RAG1: variants seen among roughly 807,000 people sequenced by gnomAD.
RAG1 encodes recombination activating 1.
Under a neutral mutation model 62.7 loss-of-function variants are expected in RAG1, and 35 were observed. The ratio of observed to expected loss-of-function variants is 0.56; its 90% confidence interval spans 0.43 to 0.74. RAG1 has a LOEUF of 0.74. Ranked by LOEUF, RAG1 falls within the 30% of genes least tolerant of loss-of-function variation. The probability of loss-of-function intolerance (pLI) is 0.00; values close to 1 mark genes in which losing one functional copy is unlikely to be tolerated. For missense variants in RAG1, 1,169 were observed against 1,278.6 expected (o/e 0.91, Z 1.31); for synonymous variants, 461 against 470.3 (o/e 0.98, Z 0.26).
At chr11:36,545,169 A>T (rs1425400981) in intron 3 of RAG1, among the ~76,000 whole-genome samples, 2 of 152,232 alleles carry the variant, frequency 1.3e-5, no homozygotes, top group African/African-American at 4.8e-5. Context: ...TTTGCATTAA[A>T]GTATATCTGA....
At chr11:36,521,284 A>G (rs1860076170) in intron 2 of RAG1, among the ~76,000 whole-genome samples, 1 of 151,928 alleles carries the variant, frequency 6.6e-6, no homozygotes, top group Admixed American at 6.6e-5. Context: ...AGCTCCCACA[A>G]TTTCCATGTG....
In RAG1 at chr11:36,576,013, A is replaced by G. The variant is rs1850844060; in HGVS notation, c.2709A>G (p.Lys903=). ...TATGGCGATCATCATGCCCTGCTAA[A>G]GAGTGCCCAGAATCCCTCTGCCAGT... is the stretch of plus-strand genomic sequence containing the variant. ...KPVWRSSCPA[K]ECPESLCQYS... Residue 903 remains lysine (K), a synonymous_variant, in exon 2 of 2, where the codon AAA becomes AAG. Coordinates refer to ENST00000299440, the MANE Select transcript of RAG1 (RefSeq NM_000448.3). 1.2e-6 allele frequency: 2 copies of G among 1,614,214 alleles called. No homozygotes were observed. Among genetic ancestry groups the G allele is most frequent in the Middle Eastern group, 1.6e-4 (1 of 6,062 alleles).
intron 2 of RAG1, among the ~76,000 whole-genome samples, chr11:36,523,428 C>A (rs997946772): frequency 1.3e-5 from 2 of 152,144 alleles, no homozygotes; most frequent in African/African-American, 4.8e-5. Flanking sequence ...ATGAGGCCTC[C>A]CCAGCCATGT....
At chr11:36,543,282 G>A (rs1850338760) in intron 3 of RAG1, among the ~76,000 whole-genome samples, 1 of 152,126 alleles carries the variant, frequency 6.6e-6, no homozygotes. Flanking sequence ...GAAGTGTGAG[G>A]TTGCCTCTCA....
intron 1 of RAG1, among the ~76,000 whole-genome samples, chr11:36,514,792 G>T (rs144339430): frequency 2.0e-4 from 31 of 152,350 alleles, no homozygotes; most frequent in Middle Eastern, 3.4e-3. Flanking sequence ...AGGATGGGGA[G>T]TGGCTGTAAA....
rs121918570 is a variant in RAG1, at chr11:36,576,227, C to T, written c.2923C>T (p.Arg975Trp). ...TGGTAACAAACTGTTTAGGCGCTTC[C>T]GGAAAATGAATGCCAGGCAGTCCAA... ...ESGNKLFRRF[R>W]KMNARQSKCY... The change falls in exon 2 of 2, where the codon CGG (arginine) becomes TGG (tryptophan). Residue 975 changes from arginine (R) to tryptophan (W), a missense_variant. This residue lies in a region of RAG1 where 800 missense variants were observed against 943.3 expected (regional missense o/e 0.85). Coordinates refer to ENST00000299440, the MANE Select transcript of RAG1 (RefSeq NM_000448.3). 6.2e-6 allele frequency: 10 copies of T among 1,613,926 alleles called. No homozygotes were observed. The highest frequency in any genetic ancestry group is 2.2e-5 in the South Asian group (2 of 91,084).
chr11:36,565,663 C>A (rs1294611224), upstream of RAG1: 1 of 152,220 alleles, frequency 6.6e-6, no homozygotes, highest in Non-Finnish European at 1.5e-5. Flanking sequence ...TTTGCTATTT[C>A]ATGATGCAAG....
At chr11:36,534,863 C>T (rs191142802) in intron 2 of RAG1, among the ~76,000 whole-genome samples, 4 of 152,064 alleles carry the variant, frequency 2.6e-5, no homozygotes, top group Non-Finnish European at 5.9e-5. Context: ...TGTACATTTT[C>T]ATAAGGCTTT....
intron 2 of RAG1, among the ~76,000 whole-genome samples, chr11:36,531,193 ATTATT>A (rs1860249011): frequency 6.6e-6 from 1 of 151,858 alleles, no homozygotes; most frequent in South Asian, 2.1e-4. Flanking sequence ...AAAATTTCCC[ATTATT>A]TTACTTTCAA....
rs1340738340 is a variant in RAG1, at chr11:36,577,908, T to C, written c.*1472T>C. 1 of 167,096 alleles carries C rather than the reference T, an allele frequency of 6.0e-6. No homozygotes were observed. Among genetic ancestry groups the C allele is most frequent in the African/African-American group, 2.4e-5 (1 of 41,442 alleles). The allele number at this position is 167,096 out of a possible 1,614,324, so 10.4% of individuals were successfully genotyped here. A position where few individuals can be genotyped will look rare whatever the true frequency, so the allele number is the denominator to read the frequency against. ...GGGGTAAGCAAGTTTTTAAATCATTTGTGTGCTCTGGCTCTTTTGATAGAA... is the reference window on the plus strand; with the variant it reads ...GGGGTAAGCAAGTTTTTAAATCATTCGTGTGCTCTGGCTCTTTTGATAGAA... On this transcript the variant is annotated 3_prime_UTR_variant, in exon 2 of 2. Transcript: ENST00000299440.
chr11:36,527,235 T>C (rs1211304682), intron 2 of RAG1, among the ~76,000 whole-genome samples: 1 of 152,226 alleles, frequency 6.6e-6, no homozygotes, highest in Non-Finnish European at 1.5e-5. Flanking sequence ...TTTAAGTCTT[T>C]AATCCATCTT....
chr11:36,562,782 T>C (rs545654747), intron 3 of RAG1, among the ~76,000 whole-genome samples: 1 of 152,286 alleles, frequency 6.6e-6, no homozygotes, highest in South Asian at 2.1e-4. Flanking sequence ...ATTTTCATGG[T>C]ATGGAGGCTT....
At position 36,532,169 on chromosome 11, in the gene RAG1, A is replaced by T. The variant is rs559763697; in HGVS notation, n.429-3790A>T. On this transcript the variant is annotated intron_variant and non_coding_transcript_variant, in intron 2 of 2. Transcript: ENST00000529126. ...AATATATTATTTTGAATAGAAAATC[A>T]CTAGAAATATTGGAAAAAAAGAAAG... Among the ~76,000 whole-genome samples the T allele has an allele frequency of 2.3e-4, 35 of 152,160 alleles. No homozygotes were observed. In the South Asian group the frequency reaches 6.0e-3, roughly 26 times the overall value.
At chr11:36,549,673 A>G (rs965364712) in intron 3 of RAG1, among the ~76,000 whole-genome samples, 1 of 152,214 alleles carries the variant, frequency 6.6e-6, no homozygotes, top group Non-Finnish European at 1.5e-5. Flanking sequence ...GTGGGAGTGT[A>G]AATTAGTTCA....
rs539496037 is a variant in RAG1 at position 36,518,700 on chromosome 11, T to C, written n.331-1432T>C. On this transcript the variant is annotated intron_variant and non_coding_transcript_variant, in intron 1 of 2. Coordinates refer to the RAG1 transcript ENST00000529126. ...TTTTGATGGGGTTATTTGGTTTTTT[T>C]CTTGTAAATTTGTTGGAGTTCATTG... Among the ~76,000 whole-genome samples, 139 of 152,380 alleles carry C rather than the reference T, an allele frequency of 9.1e-4. 1 individual carries two copies. The highest frequency in any genetic ancestry group is 3.4e-3 in the Middle Eastern group (1 of 294).
chr11:36,545,479 T>A (rs559555595), intron 3 of RAG1, among the ~76,000 whole-genome samples: 1 of 151,898 alleles, frequency 6.6e-6, no homozygotes, highest in South Asian at 2.1e-4. Context: ...AGGAGAGAGG[T>A]CTCACCAGAA....
chr11:36,539,730 G>T (rs548861194), downstream of RAG1, among the ~76,000 whole-genome samples: 1 of 152,114 alleles, frequency 6.6e-6, no homozygotes, highest in African/African-American at 2.4e-5. Context: ...TGCCCACCTC[G>T]GCCTCCCAAA....
At chr11:36,515,093 G>C (rs1184295503) in intron 1 of RAG1, among the ~76,000 whole-genome samples, 3 of 152,176 alleles carry the variant, frequency 2.0e-5, no homozygotes, top group African/African-American at 4.8e-5. Context: ...GTGCCCAGCT[G>C]TTTTAAGGAG....
chr11:36,562,647 C>T (rs1850606336), intron 3 of RAG1, among the ~76,000 whole-genome samples: 2 of 152,152 alleles, frequency 1.3e-5, no homozygotes, highest in Non-Finnish European at 2.9e-5. Flanking sequence ...TCTTCTTCTT[C>T]CTCCTTGGGT....
Sources: allele counts gnomAD v4.1 joint callset (sites outside exome capture counted in the v4.1 genomes callset), GRCh38; gene constraint gnomAD v4.1.1; regional missense constraint gnomAD v4.1.1; transcripts MANE v1.5; gene names NCBI Gene and HGNC (gene_info 2026-07-23, HGNC 2026-07-21).